The following ADCK1 variants were observed in gnomAD, a reference collection of about 807,000 sequenced individuals.
ADCK1 encodes aarF domain containing kinase 1, also known as aarF domain-containing protein kinase 1.
A neutral mutation model predicts 52.3 loss-of-function variants in ADCK1; 41 were observed. That is an observed-to-expected ratio of 0.78 (90% CI 0.61 to 1.02). The LOEUF is 1.02. ADCK1 is among the 50% of genes least tolerant of loss of function. ADCK1 has a pLI of 0.00. For missense variants in ADCK1, 658 were observed against 679.5 expected (o/e 0.97, Z 0.35); for synonymous variants, 250 against 274.6 (o/e 0.91, Z 0.89).
intron 3 of ADCK1, among the ~76,000 whole-genome samples, chr14:77,852,660 AATAT>A (rs370053776): frequency 5.5e-3 from 175 of 31,680 alleles, no homozygotes; most frequent in Admixed American, 0.02. Flanking sequence ...TAAATAAATA[AATAT>A]ATATATATAT....
rs2081520590 is a variant in ADCK1 at position 77,818,888 on chromosome 14, G to A, written c.-11-80G>A. On this transcript the variant is annotated intron_variant, in intron 1 of 10. Coordinates refer to ENST00000238561, the MANE Select transcript of ADCK1 (RefSeq NM_020421.4). ...CCAAGGTCATATAATCTAAGTGGTA[G>A]AGCTGGGATTTGAACTTCAGTTTGA... 4.0e-6 allele frequency: 6 copies of A among 1,501,316 alleles called. No homozygotes were observed. In the Admixed American group the frequency reaches 7.4e-5, roughly 19 times the overall value. The allele number at this position is 1,501,316 out of a possible 1,614,324, so 93.0% of individuals were successfully genotyped here. A position where few individuals can be genotyped will look rare whatever the true frequency, so the allele number is the denominator to read the frequency against.
intron 6 of ADCK1, among the ~76,000 whole-genome samples, chr14:77,905,407 T>G (rs1299786590): frequency 6.9e-6 from 1 of 145,828 alleles, no homozygotes; most frequent in African/African-American, 2.6e-5. Context: ...GTCTCCCAGG[T>G]TCTAGCGATT....
intron 3 of ADCK1, among the ~76,000 whole-genome samples, chr14:77,839,707 G>A (rs2082026703): frequency 6.6e-6 from 1 of 152,074 alleles, no homozygotes; most frequent in South Asian, 2.1e-4. Flanking sequence ...GCCGATGCAG[G>A]TGGATGACGT....
intron 3 of ADCK1, among the ~76,000 whole-genome samples, chr14:77,835,225 G>A (rs1485357341): frequency 6.6e-6 from 1 of 152,146 alleles, no homozygotes; most frequent in Non-Finnish European, 1.5e-5. Context: ...TCTGCATACA[G>A]CTTGTATTTT....
intron 7 of ADCK1, among the ~76,000 whole-genome samples, chr14:77,915,274 C>T (rs372984859): frequency 4.0e-5 from 6 of 151,042 alleles, no homozygotes; most frequent in Admixed American, 4.0e-4. Flanking sequence ...TGTTGGTGTG[C>T]TGCACCCATT....
chr14:77,879,711 G>C (rs1047365598), intron 4 of ADCK1, among the ~76,000 whole-genome samples: 16 of 152,298 alleles, frequency 1.1e-4, no homozygotes, highest in South Asian at 4.1e-4. Flanking sequence ...GATTGGAAGA[G>C]ATAGGGCAGG....
At chr14:77,920,685 A>G (rs117297759) in intron 7 of ADCK1, among the ~76,000 whole-genome samples, 30 of 152,248 alleles carry the variant, frequency 2.0e-4, no homozygotes, top group Non-Finnish European at 2.6e-4. Flanking sequence ...GTCTCGCTGT[A>G]TCACCCAGGC....
chr14:77,806,870 A>T (rs2081235057), intron 1 of ADCK1, among the ~76,000 whole-genome samples: 9 of 151,920 alleles, frequency 5.9e-5, no homozygotes, highest in Admixed American at 5.9e-4. Context: ...GCATGCCATC[A>T]CACCCAGCTA....
At chr14:77,807,935 T>A (rs1292671586) in intron 1 of ADCK1, among the ~76,000 whole-genome samples, 1 of 152,060 alleles carries the variant, frequency 6.6e-6, no homozygotes, top group Non-Finnish European at 1.5e-5. Context: ...GAGCCACCAC[T>A]CCTGGCCTGA....
intron 1 of ADCK1, among the ~76,000 whole-genome samples, chr14:77,807,225 C>T (rs61990719): frequency 0.12 from 17,871 of 151,340 alleles, 1,323 homozygotes; most frequent in African/African-American, 0.2. Flanking sequence ...CCCGCCACCA[C>T]GCCCGGTTAA....
chr14:77,889,411 T>C (rs2083232468), intron 5 of ADCK1, among the ~76,000 whole-genome samples: 1 of 152,226 alleles, frequency 6.6e-6, no homozygotes, highest in African/African-American at 2.4e-5. Context: ...TGACCTTGGA[T>C]AACTGAAACC....
At chr14:77,837,925 G>T (rs1444873315) in intron 3 of ADCK1, among the ~76,000 whole-genome samples, 1 of 152,186 alleles carries the variant, frequency 6.6e-6, no homozygotes, top group African/African-American at 2.4e-5. Flanking sequence ...TCTTGCCTCA[G>T]TGGCCACAGC....
intron 2 of ADCK1, among the ~76,000 whole-genome samples, chr14:77,821,796 G>A (rs1409100603): frequency 6.7e-6 from 1 of 148,976 alleles, no homozygotes; most frequent in African/African-American, 2.5e-5. Flanking sequence ...CAGGAGAATT[G>A]CTTGAACCTG....
chr14:77,933,636 C>G lies in ADCK1; in HGVS notation c.*245C>G. On this transcript the variant is annotated 3_prime_UTR_variant, in exon 11 of 11. Transcript: ENST00000238561. ...CAAGAAGACTCAGCAGCCTACATTC[C>G]CATTCCTGGTATGTGCCATTGGGTT... is the stretch of plus-strand genomic sequence containing the variant. The G allele has an allele frequency of 2.0e-6, 1 of 496,694 alleles. No homozygotes were observed. Among genetic ancestry groups the G allele is most frequent in the Non-Finnish European group, 3.6e-6 (1 of 278,892 alleles). 30.8% of individuals were successfully genotyped at this position (496,694 alleles called of 1,614,324 possible).
At chr14:77,912,054 T>G (rs374633573) in intron 7 of ADCK1, among the ~76,000 whole-genome samples, 1 of 152,216 alleles carries the variant, frequency 6.6e-6, no homozygotes, top group African/African-American at 2.4e-5. Context: ...CTGCACCCAT[T>G]ATTGAACTTC....
chr14:77,820,639 CGTGT>C (rs10549011), intron 2 of ADCK1, among the ~76,000 whole-genome samples: 67,186 of 148,676 alleles, frequency 0.45, 16,120 homozygotes, highest in South Asian at 0.58. Context: ...GCCAATTTTA[CGTGT>C]GTGTGTGTGT....
At chr14:77,876,653 G>A (rs1386868867) in intron 4 of ADCK1, among the ~76,000 whole-genome samples, 1 of 152,268 alleles carries the variant, frequency 6.6e-6, no homozygotes, top group East Asian at 1.9e-4. Flanking sequence ...ATGAGCATGC[G>A]CCCCAGTAAA....
intron 7 of ADCK1, chr14:77,914,366 C>G (rs1356332661): frequency 5.1e-6 from 5 of 982,326 alleles, no homozygotes; most frequent in Non-Finnish European, 6.0e-6. Flanking sequence ...TGGGTTCCAC[C>G]TGCCATGCTT....
At position 77,857,255 on chromosome 14, in the gene ADCK1, G is replaced by T. The variant is rs2082438602; in HGVS notation, c.220-1821G>T. 1.3e-5 allele frequency among the ~76,000 whole-genome samples: 2 copies of T among 152,160 alleles called. 1 individual carries two copies. The highest frequency in any genetic ancestry group is 4.1e-4 in the South Asian group (2 of 4,830). On this transcript the variant is annotated intron_variant, in intron 3 of 10. Coordinates refer to ENST00000238561, the MANE Select transcript of ADCK1 (RefSeq NM_020421.4). ...TTGAGCCTGGGAGATGGAGACTGCTGTGAGCCATGATTATGCCACTGTACT... is the reference window on the plus strand; with the variant it reads ...TTGAGCCTGGGAGATGGAGACTGCTTTGAGCCATGATTATGCCACTGTACT...
Sources: allele counts gnomAD v4.1 joint callset (sites outside exome capture counted in the v4.1 genomes callset), GRCh38; gene constraint gnomAD v4.1.1; transcripts MANE v1.5; gene names NCBI Gene and HGNC (gene_info 2026-07-23, HGNC 2026-07-21).